The following LONRF3 variants were observed in gnomAD, a reference collection of about 807,000 sequenced individuals.
LONRF3 encodes LON peptidase N-terminal domain and ring finger 3.
A neutral mutation model predicts 51.7 loss-of-function variants in LONRF3; 19 were observed. The ratio of observed to expected loss-of-function variants is 0.37; its 90% CI spans 0.26 to 0.54. LONRF3 has a LOEUF of 0.54. LONRF3 is among the 20% of genes least tolerant of loss of function. The pLI, the probability that LONRF3 is intolerant of heterozygous loss-of-function variation, is 0.86. For synonymous variants in LONRF3, 265 were observed against 257.8 expected, an observed-to-expected ratio of 1.03 and a Z score of -0.27; for missense variants, 521 against 623.9, an observed-to-expected ratio of 0.84 and a Z score of 1.76.
chrX:119,005,241 A>G (rs1003993848), intron 5 of LONRF3, among the ~76,000 whole-genome samples: 30 of 109,654 alleles, frequency 2.7e-4, no homozygotes, highest in Non-Finnish European at 4.4e-4. Flanking sequence ...TGCAAGCCCC[A>G]CTCCTCAACG....
chrX:118,988,764 A>C (rs935634176), intron 3 of LONRF3, among the ~76,000 whole-genome samples: 1 of 107,619 alleles, frequency 9.3e-6, no homozygotes, highest in Non-Finnish European at 1.9e-5. Context: ...AAAAGGCTAG[A>C]GACATTGTTG....
At position 118,989,513 on chromosome X, in the gene LONRF3, C is replaced by A. The variant is rs749869473; in HGVS notation, c.1165C>A (p.His389Asn). 4.1e-6 allele frequency: 5 copies of A among 1,211,471 alleles called. No homozygotes were observed. Among genetic ancestry groups the A allele is most frequent in the Non-Finnish European group, 3.4e-6 (3 of 895,446 alleles). ...TAAAGTGAAGGGGGATGGTCAGCAGCACCACATGAAAGACCAGGAAGAAGA... is the reference window on the plus strand; with the variant it reads ...TAAAGTGAAGGGGGATGGTCAGCAGAACCACATGAAAGACCAGGAAGAAGA... ...PAKVKGDGQQ[H>N]HMKDQEEEEE... Residue 389 changes from histidine (H) to asparagine (N), a missense_variant, in exon 4 of 11, where the codon CAC (histidine) becomes AAC (asparagine). His to Asn is a moderately conservative substitution (Grantham distance 68). Transcript: ENST00000371628.
chrX:118,989,612 A>G lies in LONRF3; in HGVS notation c.1264A>G (p.Lys422Glu). The G allele has an allele frequency of 8.3e-7, 1 of 1,211,417 alleles. No homozygotes were observed. The highest frequency in any genetic ancestry group is 1.1e-6 in the Non-Finnish European group (1 of 895,311). The change falls in exon 4 of 11, where the codon AAA becomes GAA. Residue 422 changes from lysine (K) to glutamate (E), a missense_variant. This residue lies in a region of LONRF3 where 376 missense variants were observed against 376.7 expected (regional missense o/e 1.00). Coordinates refer to ENST00000371628, the MANE Select transcript of LONRF3 (RefSeq NM_001031855.3). Reference sequence around the variant, plus strand: ...TGGAAAATGCCAGGAAAAGAAAAGGAAACATTGCCAGATTGAATCCCAAGA... The same window carrying G: ...TGGAAAATGCCAGGAAAAGAAAAGGGAACATTGCCAGATTGAATCCCAAGA... ...KTGKCQEKKR[K>E]HCQIESQEET... is the part of the protein sequence containing the mutation.
intron 5 of LONRF3, among the ~76,000 whole-genome samples, chrX:119,004,052 G>T (rs1330678874): frequency 2.7e-5 from 3 of 111,147 alleles, no homozygotes; most frequent in Non-Finnish European, 5.7e-5. Flanking sequence ...GATTCTTTTA[G>T]ATTTTTCTAA....
At chrX:119,016,254 A>G (rs1335587468) in intron 10 of LONRF3, among the ~76,000 whole-genome samples, 1 of 111,943 alleles carries the variant, frequency 8.9e-6, no homozygotes, top group Non-Finnish European at 1.9e-5. Context: ...AATATGTGCC[A>G]GGGAAGCTGC....
intron 3 of LONRF3, among the ~76,000 whole-genome samples, chrX:118,986,586 C>A (rs1382214430): frequency 8.9e-6 from 1 of 112,335 alleles, no homozygotes; most frequent in Admixed American, 9.4e-5. Flanking sequence ...GATATTTCTG[C>A]GGAGTGTTAG....
intron 5 of LONRF3, among the ~76,000 whole-genome samples, chrX:119,001,689 G>A (rs1603253599): frequency 8.9e-6 from 1 of 112,366 alleles, no homozygotes; most frequent in African/African-American, 3.2e-5. Flanking sequence ...ATCTGTGGCC[G>A]CATTTGTGTT....
Position 118,975,050 on chromosome X carries a change from T to C in LONRF3, c.270T>C (p.Tyr90=), listed in dbSNP as rs766198744. 3 of 1,173,875 alleles carry C rather than the reference T, an allele frequency of 2.6e-6. No homozygotes were observed. The highest frequency in any genetic ancestry group is 6.4e-5 in the East Asian group (2 of 31,168). Residue 90 remains tyrosine (Y), a synonymous_variant, in exon 1 of 11, where the codon TAT becomes TAC. Transcript: ENST00000371628. ...RGRIREALEV[Y]RQLSERQQLV... ...GAATCCGTGAAGCCCTCGAGGTGTA[T>C]AGACAGCTCTCCGAGCGGCAGCAGC...
chrX:119,004,082 G>C (rs1354480545), intron 5 of LONRF3, among the ~76,000 whole-genome samples: 1 of 110,176 alleles, frequency 9.1e-6, no homozygotes, highest in East Asian at 2.8e-4. Context: ...CATATCATTT[G>C]TGAATAATGA....
At chrX:118,990,671 C>G in intron 5 of LONRF3, 111 bp downstream of exon 5, 1 of 563,519 alleles carries the variant, frequency 1.8e-6, no homozygotes, top group Non-Finnish European at 2.9e-6. Flanking sequence ...AAGCATAGCT[C>G]TAACGGAATG....
At chrX:118,989,173 C>T (rs1923228202) in intron 3 of LONRF3, among the ~76,000 whole-genome samples, 1 of 111,328 alleles carries the variant, frequency 9.0e-6, no homozygotes, top group African/African-American at 3.3e-5. Context: ...CCTGTCCTTG[C>T]CTAAGGAAGT....
rs1309520156 is a variant in LONRF3, at chrX:118,974,775, C to T, written c.-6C>T. 1 of 1,185,625 alleles carries T rather than the reference C, an allele frequency of 8.4e-7. No homozygotes were observed. Among genetic ancestry groups the T allele is most frequent in the East Asian group, 3.1e-5 (1 of 32,582 alleles). ...ACGCCTCGTCTCCTCCCGTGTCCCTCTTCCCATGGAGTCAGTACGGATCGA... is the reference window on the plus strand; with the variant it reads ...ACGCCTCGTCTCCTCCCGTGTCCCTTTTCCCATGGAGTCAGTACGGATCGA... On this transcript the variant is annotated 5_prime_UTR_variant, in exon 1 of 11. Transcript: ENST00000371628.
At chrX:118,990,007 A>G (rs1012456393) in intron 4 of LONRF3, among the ~76,000 whole-genome samples, 2 of 112,084 alleles carry the variant, frequency 1.8e-5, no homozygotes, top group Non-Finnish European at 3.8e-5. Flanking sequence ...TCCCCATTCT[A>G]GGAATGCAGG....
At chrX:118,987,187 G>A (rs1923040984) in intron 3 of LONRF3, 2 of 600,118 alleles carry the variant, frequency 3.3e-6, no homozygotes, top group Non-Finnish European at 5.1e-6. Context: ...TGAGAAAGAA[G>A]AAATTGAGTC....
At position 118,975,202 on chromosome X, in the gene LONRF3, CGGGGG is replaced by C. The variant is rs775265450; in HGVS notation, c.423_427del (p.Gly142ArgfsTer14). 574 of 1,166,527 alleles carry C rather than the reference CGGGGG, an allele frequency of 4.9e-4. No individual in the cohort carries two copies. Among genetic ancestry groups the C allele is most frequent in the Non-Finnish European group, 5.8e-4 (507 of 876,252 alleles). ...AGCGGCACCGTGGCGGCGGAAGAGACGGGGGCCGCCGCGGCTGCGGCGGCCACCGA... is the reference window on the plus strand; with the variant it reads ...AGCGGCACCGTGGCGGCGGAAGAGACCCGCCGCGGCTGCGGCGGCCACCGA... On this transcript the variant is annotated frameshift_variant, in exon 1 of 11. Transcript: ENST00000371628. LOFTEE classifies it high-confidence loss of function.
chrX:118,998,969 T>C (rs373592030), intron 5 of LONRF3, among the ~76,000 whole-genome samples: 9 of 112,558 alleles, frequency 8.0e-5, no homozygotes, highest in African/African-American at 2.9e-4. Flanking sequence ...CCTAAAAAAG[T>C]ATTTTCATAC....
chrX:119,013,511 G>A (rs1047541853), intron 9 of LONRF3, among the ~76,000 whole-genome samples: 1 of 111,958 alleles, frequency 8.9e-6, no homozygotes, highest in African/African-American at 3.2e-5. Context: ...TGGATCTGGG[G>A]TGGGTCTATA....
At chrX:118,988,581 G>A (rs1480324245) in intron 3 of LONRF3, among the ~76,000 whole-genome samples, 1 of 110,955 alleles carries the variant, frequency 9.0e-6, no homozygotes, top group Admixed American at 9.6e-5. Context: ...TCACCTGTCT[G>A]CCAGTTTTTT....
intron 7 of LONRF3, among the ~76,000 whole-genome samples, chrX:119,010,507 C>T (rs981169918): frequency 9.1e-6 from 1 of 110,326 alleles, no homozygotes; most frequent in Non-Finnish European, 1.9e-5. Context: ...CATTAATTTA[C>T]ATTGGAACTA....
Sources: allele counts gnomAD v4.1 joint callset (sites outside exome capture counted in the v4.1 genomes callset), GRCh38; gene constraint gnomAD v4.1.1; regional missense constraint gnomAD v4.1.1; transcripts MANE v1.5; gene names NCBI Gene and HGNC (gene_info 2026-07-23, HGNC 2026-07-21).